Variants in TBCK observed in about 807,000 individuals in gnomAD.
The protein encoded by TBCK is TBC1 domain containing kinase.
A neutral mutation model predicts 113.4 loss-of-function variants in TBCK; 99 were observed. The observed-to-expected ratio is 0.87, with a 90% CI of 0.74 to 1.03. The LOEUF is 1.03. Ranked by LOEUF, TBCK falls within the 50% of genes least tolerant of loss-of-function variation. The pLI is 0.00. For missense variants in TBCK, 1,045 were observed against 1,061.3 expected, an observed-to-expected ratio of 0.98 and a Z score of 0.21; for synonymous variants, 369 against 370.8, an observed-to-expected ratio of 1.00 and a Z score of 0.05.
At chr4:106,315,792 C>CT (rs1277819969) in intron 1 of TBCK, 139 bp downstream of exon 1, 1 of 152,288 alleles carries the variant, frequency 6.6e-6, no homozygotes, top group Non-Finnish European at 1.5e-5. Context: ...GAGACAGTAC[C>CT]TATCAGCAAG....
chr4:106,089,539 CAA>C (rs1207553820), intron 25 of TBCK, among the ~76,000 whole-genome samples: 1 of 152,188 alleles, frequency 6.6e-6, no homozygotes, highest in Non-Finnish European at 1.5e-5. Flanking sequence ...AGCATTAACT[CAA>C]GTCTCAAGTG....
intron 25 of TBCK, among the ~76,000 whole-genome samples, chr4:106,058,391 T>C (rs1175882973): frequency 6.6e-6 from 1 of 151,786 alleles, no homozygotes; most frequent in African/African-American, 2.4e-5. Flanking sequence ...ATTTATCTAA[T>C]GCATAAATAA....
At chr4:106,292,356 G>A (rs1765812028) in intron 3 of TBCK, among the ~76,000 whole-genome samples, 1 of 152,062 alleles carries the variant, frequency 6.6e-6, no homozygotes, top group African/African-American at 2.4e-5. Context: ...TGGATCATGA[G>A]GTCAGGAGAT....
At chr4:106,267,228 C>A (rs1763071796) in intron 3 of TBCK, among the ~76,000 whole-genome samples, 1 of 151,938 alleles carries the variant, frequency 6.6e-6, no homozygotes, top group Non-Finnish European at 1.5e-5. Flanking sequence ...AACAACTGAA[C>A]ATAAGAATCC....
intron 7 of TBCK, among the ~76,000 whole-genome samples, chr4:106,250,042 A>G (rs1342949664): frequency 6.6e-6 from 1 of 152,092 alleles, no homozygotes; most frequent in Non-Finnish European, 1.5e-5. Flanking sequence ...TTGAGTTGTT[A>G]TTTGTACATG....
rs780117189 is a variant in TBCK at position 106,233,626 on chromosome 4, C to A, written c.1474G>T (p.Ala492Ser). ...VEGAIHAKYD[A>S]IDKDTPIPTD... ...GGAATTGGAGTGTCTTTATCAATTG[C>A]ATCGTACTTGGCATGAATAGCTCCC... The change falls in exon 16 of 26, where the codon GCA (alanine) becomes TCA (serine). Residue 492 changes from alanine (A) to serine (S), a missense_variant. By Grantham distance (99) the Ala-to-Ser change is moderately conservative. Coordinates refer to ENST00000394708, the MANE Select transcript of TBCK (RefSeq NM_001163435.3). 2 of 1,610,890 alleles carry A rather than the reference C, an allele frequency of 1.2e-6. No homozygotes were observed. The highest frequency in any genetic ancestry group is 1.7e-5 in the Admixed American group (1 of 59,736).
chr4:106,101,314 C>G (rs1560644869), intron 24 of TBCK, among the ~76,000 whole-genome samples: 1 of 152,068 alleles, frequency 6.6e-6, no homozygotes, highest in Admixed American at 6.6e-5. Flanking sequence ...TCAGCAGTTG[C>G]TATCATATAC....
chr4:106,304,941 T>C (rs1767348874), intron 2 of TBCK, among the ~76,000 whole-genome samples: 1 of 152,238 alleles, frequency 6.6e-6, no homozygotes, highest in Non-Finnish European at 1.5e-5. Flanking sequence ...TTCCTTTGTC[T>C]ACCCTCTTCT....
chr4:106,121,629 G>A (rs2149587650), intron 23 of TBCK, among the ~76,000 whole-genome samples: 1 of 152,056 alleles, frequency 6.6e-6, no homozygotes, highest in East Asian at 1.9e-4. Flanking sequence ...TGGAAGTAAA[G>A]CTCTCCTCAG....
Position 106,308,895 on chromosome 4 carries a change from A to T in TBCK, c.66T>A (p.Asp22Glu). 1 of 1,614,190 alleles carries T rather than the reference A, an allele frequency of 6.2e-7. No homozygotes were observed. The highest frequency in any genetic ancestry group is 2.2e-5 in the East Asian group (1 of 44,880). Residue 22 changes from aspartate to glutamate, a missense_variant, in exon 2 of 26, where the codon GAT (aspartate) becomes GAA (glutamate). Coordinates refer to ENST00000394708, the MANE Select transcript of TBCK (RefSeq NM_001163435.3). ...FTFFASALPHDVCGSNGLPLT... is the reference protein window; with the variant it reads ...FTFFASALPHEVCGSNGLPLT... ...GAGGAAGTCCATTGCTTCCACAAAC[A>T]TCATGTGGCAGAGCCGAGGCAAAGA... is the stretch of plus-strand genomic sequence containing the variant.
intron 25 of TBCK, among the ~76,000 whole-genome samples, chr4:106,073,802 C>G (rs779146246): frequency 2.0e-5 from 3 of 152,170 alleles, no homozygotes; most frequent in Non-Finnish European, 4.4e-5. Flanking sequence ...TTTGTTTACC[C>G]ACTCAAGTCT....
chr4:106,177,585 C>A (rs1294216847), intron 22 of TBCK, among the ~76,000 whole-genome samples: 2 of 151,804 alleles, frequency 1.3e-5, no homozygotes, highest in Admixed American at 1.3e-4. Flanking sequence ...TTAAAAAAAA[C>A]CTGTCTTTTC....
At chr4:106,211,768 T>C (rs1222770045) in intron 20 of TBCK, among the ~76,000 whole-genome samples, 1 of 152,086 alleles carries the variant, frequency 6.6e-6, no homozygotes, top group African/African-American at 2.4e-5. Context: ...TAACCCTACA[T>C]AATCATAATT....
intron 12 of TBCK, among the ~76,000 whole-genome samples, chr4:106,241,492 G>A (rs1353552203): frequency 6.6e-6 from 1 of 151,844 alleles, no homozygotes; most frequent in Non-Finnish European, 1.5e-5. Flanking sequence ...GATATCAACA[G>A]TTCACATAAA....
At chr4:106,305,887 G>C (rs911839638) in intron 2 of TBCK, among the ~76,000 whole-genome samples, 1 of 152,114 alleles carries the variant, frequency 6.6e-6, no homozygotes, top group Admixed American at 6.5e-5. Context: ...GACCTTATAC[G>C]GTCTGAAAAG....
intron 3 of TBCK, among the ~76,000 whole-genome samples, chr4:106,290,456 A>G (rs986348710): frequency 3.9e-4 from 59 of 152,284 alleles, no homozygotes; most frequent in East Asian, 5.8e-4. Flanking sequence ...GATTACAGGC[A>G]TGAGCCACCA....
intron 23 of TBCK, among the ~76,000 whole-genome samples, chr4:106,127,944 T>C (rs1247827568): frequency 6.6e-6 from 1 of 151,954 alleles, no homozygotes; most frequent in Non-Finnish European, 1.5e-5. Flanking sequence ...CTGACAAGGA[T>C]AGCACTACAC....
intron 20 of TBCK, among the ~76,000 whole-genome samples, chr4:106,208,389 T>C (rs1755768085): frequency 2.0e-5 from 3 of 151,472 alleles, no homozygotes. Flanking sequence ...TACACTGTTG[T>C]GGCCATCTTT....
chr4:106,153,552 T>C (rs1046525461), intron 23 of TBCK, among the ~76,000 whole-genome samples: 15 of 152,150 alleles, frequency 9.9e-5, no homozygotes, highest in African/African-American at 3.6e-4. Flanking sequence ...TCTGTGGCTG[T>C]TGAATGAAAT....
Sources: allele counts gnomAD v4.1 joint callset (sites outside exome capture counted in the v4.1 genomes callset), GRCh38; gene constraint gnomAD v4.1.1; transcripts MANE v1.5; gene names NCBI Gene and HGNC (gene_info 2026-07-23, HGNC 2026-07-21).